ROBO1: variants seen among roughly 807,000 people sequenced by gnomAD.
ROBO1 encodes roundabout homolog 1.
Under a neutral mutation model 195.9 loss-of-function variants are expected in ROBO1, and 149 were observed. The ratio of observed to expected loss-of-function variants is 0.76; its 90% CI spans 0.67 to 0.87. The LOEUF is 0.87. Among genes scored for constraint, ROBO1 ranks in the 40% least tolerant of loss-of-function variants. The pLI, the probability that ROBO1 is intolerant of heterozygous loss-of-function variation, is 0.00. For missense variants in ROBO1, 1,933 were observed against 2,068.3 expected (o/e 0.93, Z 1.27); for synonymous variants, 816 against 733.2 (o/e 1.11, Z -1.82).
intron 3 of ROBO1, among the ~76,000 whole-genome samples, chr3:78,945,516 T>A (rs1220073613): frequency 6.6e-6 from 1 of 152,134 alleles, no homozygotes; most frequent in African/African-American, 2.4e-5. Context: ...AAAACCCATC[T>A]GTACCTCACC....
intron 4 of ROBO1, among the ~76,000 whole-genome samples, chr3:78,786,402 G>C (rs918881959): frequency 1.3e-5 from 2 of 152,092 alleles, no homozygotes; most frequent in Non-Finnish European, 2.9e-5. Context: ...TGAGTGCTTA[G>C]TATGAGTCTG....
intron 1 of ROBO1, among the ~76,000 whole-genome samples, chr3:79,736,533 GTAA>G (rs1335493946): frequency 6.6e-6 from 1 of 152,224 alleles, no homozygotes; most frequent in African/African-American, 2.4e-5. Context: ...CAAGGGAGAT[GTAA>G]TAATAGCTTA....
intron 4 of ROBO1, among the ~76,000 whole-genome samples, chr3:78,906,281 C>G (rs922416246): frequency 1.3e-5 from 2 of 152,216 alleles, no homozygotes; most frequent in South Asian, 4.1e-4. Flanking sequence ...TGCATTTCAA[C>G]TAGGCTCAAG....
At chr3:79,423,092 CAG>C (rs1020603678) in intron 2 of ROBO1, among the ~76,000 whole-genome samples, 2 of 152,028 alleles carry the variant, frequency 1.3e-5, no homozygotes, top group African/African-American at 4.8e-5. Context: ...CAAAATCAAA[CAG>C]AATTAAACTA....
intron 1 of ROBO1, 33 bp from the exon 2 acceptor site, chr3:79,589,994 G>T: frequency 1.1e-6 from 1 of 894,464 alleles, no homozygotes; most frequent in Non-Finnish European, 1.8e-6. Context: ...ATTTTGTAAT[G>T]GTTAGCTATG....
chr3:79,569,884 A>G (rs1943222582), intron 2 of ROBO1, among the ~76,000 whole-genome samples: 1 of 151,980 alleles, frequency 6.6e-6, no homozygotes, highest in Non-Finnish European at 1.5e-5. Context: ...CGATCCCTTG[A>G]ATCCAGAGGT....
At chr3:79,079,844 T>C (rs2079239844) in intron 3 of ROBO1, among the ~76,000 whole-genome samples, 1 of 151,848 alleles carries the variant, frequency 6.6e-6, no homozygotes, top group Non-Finnish European at 1.5e-5. Context: ...ATAGTCCATT[T>C]TTAAAAGTAC....
intron 1 of ROBO1, among the ~76,000 whole-genome samples, chr3:79,612,334 C>A (rs1322776364): frequency 1.4e-5 from 2 of 145,918 alleles, no homozygotes; most frequent in Middle Eastern, 3.4e-3. Context: ...CCAATTTCAT[C>A]CATGTCCCTA....
At chr3:79,084,106 T>C (rs1222973861) in intron 3 of ROBO1, among the ~76,000 whole-genome samples, 5 of 152,238 alleles carry the variant, frequency 3.3e-5, no homozygotes, top group Non-Finnish European at 7.3e-5. Flanking sequence ...AAGCATAGTT[T>C]AGACAGTTGC....
At chr3:79,455,151 A>G in intron 2 of ROBO1, among the ~76,000 whole-genome samples, 1 of 152,060 alleles carries the variant, frequency 6.6e-6, no homozygotes, top group East Asian at 1.9e-4. Context: ...TAAAATATGC[A>G]CACAGAAGAC....
intron 3 of ROBO1, among the ~76,000 whole-genome samples, chr3:79,004,835 T>C (rs2077584112): frequency 1.3e-5 from 2 of 152,150 alleles, no homozygotes; most frequent in Admixed American, 6.5e-5. Flanking sequence ...TGCTGTCTCA[T>C]AAGAAAATGA....
At chr3:79,573,944 A>C (rs970790648) in intron 2 of ROBO1, among the ~76,000 whole-genome samples, 1 of 152,288 alleles carries the variant, frequency 6.6e-6, no homozygotes, top group South Asian at 2.1e-4. Context: ...CCCATGGTGA[A>C]CATGTATATA....
intron 2 of ROBO1, among the ~76,000 whole-genome samples, chr3:79,430,759 T>C (rs2038643293): frequency 6.6e-6 from 1 of 152,136 alleles, no homozygotes; most frequent in South Asian, 2.1e-4. Flanking sequence ...CAAATTGGGA[T>C]TGCAACTGAA....
intron 1 of ROBO1, among the ~76,000 whole-genome samples, chr3:79,600,344 A>G (rs968540951): frequency 1.3e-5 from 2 of 152,012 alleles, no homozygotes; most frequent in African/African-American, 2.4e-5. Context: ...ACGCTTGAAC[A>G]TTGGTTTGGT....
At chr3:79,165,799 C>T (rs2081053150) in intron 2 of ROBO1, among the ~76,000 whole-genome samples, 1 of 152,146 alleles carries the variant, frequency 6.6e-6, no homozygotes, top group Non-Finnish European at 1.5e-5. Context: ...AGATAGCCAA[C>T]CCAATACTAA....
intron 1 of ROBO1, among the ~76,000 whole-genome samples, chr3:79,716,658 A>G (rs1702500647): frequency 6.6e-6 from 1 of 151,986 alleles, no homozygotes; most frequent in African/African-American, 2.4e-5. Flanking sequence ...CAAATATGGT[A>G]TTAGATGACC....
chr3:79,076,040 G>T lies in ROBO1; in HGVS notation c.172+49416C>A, dbSNP rs549719864. Among the ~76,000 whole-genome samples the T allele has an allele frequency of 2.2e-4, 33 of 151,248 alleles. No homozygotes were observed. In the East Asian group the frequency reaches 5.9e-3, roughly 27 times the overall value. On this transcript the variant is annotated intron_variant, in intron 3 of 30. Transcript: ENST00000464233. ...TTGCTATTTATGTGGATGTGAGCAA[G>T]TAATATAATCCCTTTATGCCTTAGT...
intron 2 of ROBO1, among the ~76,000 whole-genome samples, chr3:79,364,014 C>T (rs1273327270): frequency 4.6e-5 from 7 of 151,900 alleles, no homozygotes; most frequent in Non-Finnish European, 1.0e-4. Context: ...AACATCCTGG[C>T]TAACATGGTG....
chr3:79,445,741 A>C (rs1408143808), intron 2 of ROBO1, among the ~76,000 whole-genome samples: 1 of 148,886 alleles, frequency 6.7e-6, no homozygotes, highest in Non-Finnish European at 1.5e-5. Context: ...GGCTCACTGC[A>C]AGCTCCGCCT....
Sources: gnomAD v4.1 joint callset for allele counts (sites outside exome capture counted in the v4.1 genomes callset) on GRCh38, gnomAD v4.1.1 for gene constraint, MANE v1.5 for transcripts, NCBI Gene and HGNC (gene_info 2026-07-23, HGNC 2026-07-21) for gene names.